Variants in COL26A1 observed in about 807,000 individuals in gnomAD.
COL26A1 encodes collagen type XXVI alpha 1 chain.
A neutral mutation model predicts 59.3 loss-of-function variants in COL26A1; 41 were observed. The observed-to-expected ratio is 0.69, with a 90% CI of 0.54 to 0.90. COL26A1 has a LOEUF of 0.90. COL26A1 is among the 40% of genes least tolerant of loss of function. The probability of loss-of-function intolerance (pLI) is 0.00; values close to 1 mark genes in which losing one functional copy is unlikely to be tolerated. For missense variants in COL26A1, 612 were observed against 602.3 expected, an observed-to-expected ratio of 1.02 and a Z score of -0.17; for synonymous variants, 266 against 256.0, an observed-to-expected ratio of 1.04 and a Z score of -0.37.
At chr7:101,432,994 A>T (rs1332419182) in intron 2 of COL26A1, among the ~76,000 whole-genome samples, 1 of 152,118 alleles carries the variant, frequency 6.6e-6, no homozygotes, top group Non-Finnish European at 1.5e-5. Flanking sequence ...AAGCCACTGT[A>T]TCTGGTGAAG....
intron 3 of COL26A1, among the ~76,000 whole-genome samples, chr7:101,499,072 C>T (rs1300791434): frequency 1.3e-5 from 2 of 152,186 alleles, no homozygotes; most frequent in African/African-American, 2.4e-5. Flanking sequence ...ATTGGGGGCG[C>T]GAGGCATAGC....
upstream of COL26A1, among the ~76,000 whole-genome samples, chr7:101,362,662 C>T (rs1194071968): frequency 6.6e-6 from 1 of 152,166 alleles, no homozygotes; most frequent in Non-Finnish European, 1.5e-5. Context: ...TTCAAAGGTT[C>T]TAAGGTGTGT....
chr7:101,501,127 A>G (rs1246901342), intron 3 of COL26A1, among the ~76,000 whole-genome samples: 1 of 145,466 alleles, frequency 6.9e-6, no homozygotes, highest in African/African-American at 2.5e-5. Context: ...CGGAGGTTGC[A>G]GTGAGCCAAG....
At chr7:101,501,971 G>A (rs1039245288) in intron 3 of COL26A1, among the ~76,000 whole-genome samples, 3 of 150,592 alleles carry the variant, frequency 2.0e-5, no homozygotes, top group Non-Finnish European at 3.0e-5. Flanking sequence ...CCTTTCTTCC[G>A]GATTCACCAG....
At chr7:101,465,392 G>A (rs1210478308) in intron 3 of COL26A1, among the ~76,000 whole-genome samples, 2 of 152,146 alleles carry the variant, frequency 1.3e-5, no homozygotes, top group African/African-American at 4.8e-5. Context: ...GGGCTGTGGC[G>A]GGGCCAGCCC....
At chr7:101,547,539 G>C (rs1340497947) in intron 8 of COL26A1, among the ~76,000 whole-genome samples, 1 of 152,236 alleles carries the variant, frequency 6.6e-6, no homozygotes, top group Non-Finnish European at 1.5e-5. Flanking sequence ...GATGGGGTCA[G>C]GACAGAGGTG....
intron 4 of COL26A1, among the ~76,000 whole-genome samples, chr7:101,537,425 G>A (rs118137195): frequency 0.027 from 4,137 of 152,336 alleles, 76 homozygotes; most frequent in Middle Eastern, 0.037. Flanking sequence ...GACATCATCA[G>A]GGCCACTGCC....
intron 1 of COL26A1, among the ~76,000 whole-genome samples, chr7:101,390,906 C>CGG: frequency 6.6e-6 from 1 of 152,188 alleles, no homozygotes. Flanking sequence ...GTGGGCCTCC[C>CGG]GGGGACCTCA....
intron 3 of COL26A1, among the ~76,000 whole-genome samples, chr7:101,468,045 G>A (rs1405677388): frequency 1.3e-5 from 2 of 152,074 alleles, no homozygotes; most frequent in Admixed American, 1.3e-4. Context: ...ATTCACACTT[G>A]TAATCCCAGC....
chr7:101,547,188 G>C lies in COL26A1; in HGVS notation c.889G>C (p.Asp297His), dbSNP rs921375981. 7 of 1,599,388 alleles carry C rather than the reference G, an allele frequency of 4.4e-6. No individual in the cohort carries two copies. In the African/African-American group the frequency reaches 5.4e-5, roughly 12 times the overall value. ...CTCAAGGCTGGCCTCTGCCATCGTG[G>C]ACACAGTGCTGGCAGGTGTCCCAGG... ...GDSRLASAIV[D>H]TVLAGVPGPR... Residue 297 changes from aspartate to histidine, a missense_variant, in exon 8 of 13, where the codon GAC becomes CAC. Transcript: ENST00000313669.
chr7:101,387,679 A>AT (rs1251186477), intron 1 of COL26A1, among the ~76,000 whole-genome samples: 17 of 142,614 alleles, frequency 1.2e-4, no homozygotes, highest in African/African-American at 4.4e-4. Context: ...ATATATATAT[A>AT]AAGAGAGAGA....
At chr7:101,500,865 G>A (rs6957322) in intron 3 of COL26A1, among the ~76,000 whole-genome samples, 1 of 151,890 alleles carries the variant, frequency 6.6e-6, no homozygotes. Flanking sequence ...GAAAAGTGCC[G>A]TGATTGTCTA....
At chr7:101,402,145 G>A (rs964218443) in intron 1 of COL26A1, among the ~76,000 whole-genome samples, 11 of 152,110 alleles carry the variant, frequency 7.2e-5, no homozygotes, top group Admixed American at 3.3e-4. Context: ...GGGTGCCACC[G>A]GCTGCCGGAC....
At chr7:101,364,566 TTC>T (rs10596690) in intron 1 of COL26A1, among the ~76,000 whole-genome samples, 86,845 of 149,658 alleles carry the variant, frequency 0.58, 26,744 homozygotes, top group African/African-American at 0.8. Context: ...CTCTTGTGCT[TTC>T]TTTCTTTTTT....
At chr7:101,513,173 A>AT (rs1453867542) in intron 3 of COL26A1, among the ~76,000 whole-genome samples, 1 of 150,990 alleles carries the variant, frequency 6.6e-6, no homozygotes, top group Non-Finnish European at 1.5e-5. Context: ...CACCCGGCTA[A>AT]TTTTTTTGTA....
At chr7:101,402,665 TC>T (rs1792040588) in intron 1 of COL26A1, among the ~76,000 whole-genome samples, 1 of 104,398 alleles carries the variant, frequency 9.6e-6, no homozygotes, top group Admixed American at 1.2e-4. Flanking sequence ...CTTCCTTCCC[TC>T]CCTCCCTCCT....
At chr7:101,382,535 G>T (rs73173770) in intron 1 of COL26A1, among the ~76,000 whole-genome samples, 5,896 of 152,166 alleles carry the variant, frequency 0.039, 142 homozygotes, top group Non-Finnish European at 0.06. Flanking sequence ...CTGGTCTGGT[G>T]CCAAAACCAC....
At chr7:101,418,926 G>T (rs1792441284) in intron 1 of COL26A1, among the ~76,000 whole-genome samples, 1 of 151,832 alleles carries the variant, frequency 6.6e-6, no homozygotes, top group Admixed American at 6.6e-5. Context: ...CCCTAGCCCG[G>T]CAGGTCACAT....
intron 2 of COL26A1, among the ~76,000 whole-genome samples, chr7:101,421,686 T>G (rs1036913144): frequency 5.9e-5 from 9 of 151,828 alleles, no homozygotes; most frequent in African/African-American, 1.9e-4. Flanking sequence ...GTCTCATGAC[T>G]GGTGATGTTA....
Sources: allele counts gnomAD v4.1 joint callset (sites outside exome capture counted in the v4.1 genomes callset), GRCh38; gene constraint gnomAD v4.1.1; transcripts MANE v1.5; gene names NCBI Gene and HGNC (gene_info 2026-07-23, HGNC 2026-07-21).